C10orf67: variants seen among roughly 807,000 people sequenced by gnomAD.
The protein encoded by C10orf67 is uncharacterized protein C10orf67, mitochondrial.
In C10orf67, 60 loss-of-function variants were observed where a neutral mutation model predicts 35.6. The observed-to-expected ratio is 1.68, with a 90% CI of 1.37 to 2.09. The LOEUF (loss-of-function observed/expected upper bound fraction) is 2.09. C10orf67 is among the 30% of genes most tolerant of loss of function. The probability of loss-of-function intolerance (pLI) is 0.00; values close to 1 mark genes in which losing one functional copy is unlikely to be tolerated. For missense variants in C10orf67, 474 were observed against 330.2 expected (o/e 1.44, Z -3.38); for synonymous variants, 167 against 115.8 (o/e 1.44, Z -2.84).
At chr10:23,216,843 ACT>A (rs924303263) in intron 15 of C10orf67, among the ~76,000 whole-genome samples, 2 of 152,104 alleles carry the variant, frequency 1.3e-5, no homozygotes, top group African/African-American at 4.8e-5. Flanking sequence ...TGATTGACAA[ACT>A]CTAAAATCAA....
At chr10:23,228,354 T>C (rs927608048) in intron 13 of C10orf67, among the ~76,000 whole-genome samples, 6 of 152,144 alleles carry the variant, frequency 3.9e-5, no homozygotes, top group African/African-American at 1.4e-4. Context: ...ATTCCCTATT[T>C]AATAAATGGT....
Position 23,291,231 on chromosome 10 carries a change from C to G in C10orf67, c.751G>C (p.Glu251Gln), listed in dbSNP as rs1301525225. The change falls in exon 6 of 16, where the codon GAA becomes CAA. Residue 251 changes from glutamate (E) to glutamine (Q), a missense_variant. Physicochemically the swap from Glu to Gln is conservative, Grantham distance 29. Transcript: ENST00000636213. ...TTTTCCACTTTGTACTCCAAATTTT[C>G]CTTTTCTAGGTTTGATTTTGGAGAG... ...TSSPKSNLEK[E>Q]NLEYKVENER... 1.4e-6 allele frequency: 1 copy of G among 716,860 alleles called. No homozygotes were observed. Among genetic ancestry groups the G allele is most frequent in the South Asian group, 1.5e-5 (1 of 67,472 alleles). The allele number at this position is 716,860 out of a possible 1,614,324, so 44.4% of individuals were successfully genotyped here.
intron 15 of C10orf67, among the ~76,000 whole-genome samples, chr10:23,215,570 C>A (rs1215353399): frequency 6.6e-6 from 1 of 152,034 alleles, no homozygotes; most frequent in Admixed American, 6.6e-5. Context: ...AGCCACCATG[C>A]CCGGCTGAGA....
At chr10:23,310,038 G>C (rs1588679146) in intron 4 of C10orf67, among the ~76,000 whole-genome samples, 1 of 152,272 alleles carries the variant, frequency 6.6e-6, no homozygotes, top group Middle Eastern at 3.4e-3. Flanking sequence ...TGTTTCACTA[G>C]TGTTTATGGA....
rs149181558 is a variant in C10orf67, at chr10:23,254,661, T to C, written c.1201-3970A>G. On this transcript the variant is annotated intron_variant, in intron 10 of 15. Coordinates refer to ENST00000636213, the MANE Select transcript of C10orf67 (RefSeq NM_001371909.1). ...TTTGCTTCCCATTTTTAAGCACTTA[T>C]ATCATATTTTTAAAAATTTAACAAA... Among the ~76,000 whole-genome samples, 89 of 152,312 alleles carry C rather than the reference T, an allele frequency of 5.8e-4. No homozygotes were observed. The East Asian group carries it at 0.016, about 28-fold the overall frequency.
At chr10:23,262,581 C>T (rs11013355) in intron 10 of C10orf67, among the ~76,000 whole-genome samples, 2 of 152,302 alleles carry the variant, frequency 1.3e-5, no homozygotes, top group African/African-American at 4.8e-5. Flanking sequence ...ACGCTCAAAC[C>T]TAGTGAGCTC....
At chr10:23,326,647 C>T (rs1353532490) in intron 2 of C10orf67, among the ~76,000 whole-genome samples, 1 of 152,078 alleles carries the variant, frequency 6.6e-6, no homozygotes, top group Non-Finnish European at 1.5e-5. Flanking sequence ...TTAAAGCAAA[C>T]ATCATGAGTT....
chr10:23,330,913 C>T (rs564529812), intron 2 of C10orf67, among the ~76,000 whole-genome samples: 10 of 148,940 alleles, frequency 6.7e-5, no homozygotes, highest in Admixed American at 1.4e-4. Flanking sequence ...CATGCTCTAG[C>T]GGAAGAAGTA....
Position 23,223,655 on chromosome 10 carries a change from C to A in C10orf67, c.1513G>T (p.Asp505Tyr). Residue 505 changes from aspartate to tyrosine, a missense_variant, in exon 15 of 16, where the codon GAC becomes TAC. Coordinates refer to ENST00000636213, the MANE Select transcript of C10orf67 (RefSeq NM_001371909.1). The stretch of plus-strand genomic sequence containing the variant: ...CTGACTACATCCACATGCTTACCGT[C>A]TATCTGTAAGTGAACCAAAACTTTT... Reference protein sequence around the residue: ...SSSSHCTSSIDGKHVDVVSDQ... With the variant: ...SSSSHCTSSIYGKHVDVVSDQ... 1 of 717,560 alleles carries A rather than the reference C, an allele frequency of 1.4e-6. No homozygotes were observed. The highest frequency in any genetic ancestry group is 1.7e-5 in the African/African-American group (1 of 57,344). The allele number at this position is 717,560 out of a possible 1,614,324, so 44.4% of individuals were successfully genotyped here.
At chr10:23,339,001 C>T (rs1007419209) in intron 1 of C10orf67, among the ~76,000 whole-genome samples, 12 of 152,174 alleles carry the variant, frequency 7.9e-5, no homozygotes, top group African/African-American at 2.2e-4. Context: ...GCTATCTCTC[C>T]TACAGTCATA....
chr10:23,215,281 A>C (rs981497984), intron 15 of C10orf67, among the ~76,000 whole-genome samples: 2 of 151,944 alleles, frequency 1.3e-5, no homozygotes, highest in Non-Finnish European at 1.5e-5. Flanking sequence ...TTTTCACACC[A>C]TCAAAGAAGA....
At chr10:23,207,284 C>T (rs1841184819) in intron 15 of C10orf67, among the ~76,000 whole-genome samples, 1 of 151,942 alleles carries the variant, frequency 6.6e-6, no homozygotes, top group Non-Finnish European at 1.5e-5. Context: ...ACTTCCTTTA[C>T]TGGAAAGCTG....
chr10:23,235,378 T>C (rs1020237086), intron 13 of C10orf67, among the ~76,000 whole-genome samples: 10 of 151,840 alleles, frequency 6.6e-5, no homozygotes. Context: ...ATTCAGAAAA[T>C]AGAAGGAAAA....
chr10:23,219,226 G>A (rs1416826844), intron 15 of C10orf67, among the ~76,000 whole-genome samples: 2 of 152,166 alleles, frequency 1.3e-5, no homozygotes, highest in East Asian at 1.9e-4. Context: ...ACAACACAAT[G>A]TAATCTAGGT....
At chr10:23,330,973 G>T (rs1845422626) in intron 2 of C10orf67, among the ~76,000 whole-genome samples, 2 of 150,088 alleles carry the variant, frequency 1.3e-5, no homozygotes, top group African/African-American at 4.9e-5. Context: ...GGAAGGGAAG[G>T]GGAGGGAAAC....
intron 10 of C10orf67, among the ~76,000 whole-genome samples, chr10:23,256,370 CA>C (rs1842600647): frequency 1.3e-5 from 2 of 152,194 alleles, no homozygotes; most frequent in South Asian, 4.1e-4. Flanking sequence ...AATGCCATTC[CA>C]ACACTAAAAA....
chr10:23,292,029 A>G (rs1267516980), intron 5 of C10orf67, among the ~76,000 whole-genome samples: 2 of 152,150 alleles, frequency 1.3e-5, no homozygotes, highest in Non-Finnish European at 1.5e-5. Context: ...AAAAGACTTT[A>G]AAGTTATAGT....
chr10:23,262,994 T>C (rs1190502934), intron 10 of C10orf67, among the ~76,000 whole-genome samples: 1 of 152,228 alleles, frequency 6.6e-6, no homozygotes, highest in Non-Finnish European at 1.5e-5. Context: ...AGGAAAATTA[T>C]TTTGTGTCAT....
chr10:23,252,343 T>C (rs1018949479), intron 10 of C10orf67, among the ~76,000 whole-genome samples: 3 of 152,194 alleles, frequency 2.0e-5, no homozygotes. Flanking sequence ...CCTGTCCTTG[T>C]TAATGGAAAA....
Sources: gnomAD v4.1 joint callset for allele counts (sites outside exome capture counted in the v4.1 genomes callset) on GRCh38, gnomAD v4.1.1 for gene constraint, MANE v1.5 for transcripts, NCBI Gene and HGNC (gene_info 2026-07-23, HGNC 2026-07-21) for gene names.